Variants in LRRTM4 observed in about 807,000 individuals in gnomAD.
LRRTM4 encodes the protein leucine-rich repeat transmembrane neuronal protein 4.
Under a neutral mutation model 47.6 loss-of-function variants are expected in LRRTM4, and 25 were observed. The ratio of observed to expected loss-of-function variants is 0.53; its 90% CI spans 0.38 to 0.73. LRRTM4 has a LOEUF of 0.73. Among genes scored for constraint, LRRTM4 ranks in the 30% least tolerant of loss-of-function variants. The pLI is 0.00. For synonymous variants in LRRTM4, 311 were observed against 269.5 expected, an observed-to-expected ratio of 1.15 and a Z score of -1.51; for missense variants, 638 against 713.4, an observed-to-expected ratio of 0.89 and a Z score of 1.20.
At chr2:77,446,092 A>G (rs1676039624) in intron 3 of LRRTM4, among the ~76,000 whole-genome samples, 1 of 152,118 alleles carries the variant, frequency 6.6e-6, no homozygotes, top group African/African-American at 2.4e-5. Flanking sequence ...CATTATCATC[A>G]TATAATCTAT....
chr2:77,439,340 T>C (rs1203222526), intron 3 of LRRTM4, among the ~76,000 whole-genome samples: 1 of 152,184 alleles, frequency 6.6e-6, no homozygotes, highest in Non-Finnish European at 1.5e-5. Flanking sequence ...CCTTCTTCTA[T>C]CCTATTTTCA....
chr2:77,166,500 C>T (rs1254925653), intron 3 of LRRTM4, among the ~76,000 whole-genome samples: 1 of 152,140 alleles, frequency 6.6e-6, no homozygotes, highest in Non-Finnish European at 1.5e-5. Context: ...ATTGCCAAGA[C>T]AATACTAAGC....
chr2:76,840,580 C>G (rs1364910655), intron 3 of LRRTM4, among the ~76,000 whole-genome samples: 2 of 151,930 alleles, frequency 1.3e-5, no homozygotes, highest in Non-Finnish European at 2.9e-5. Flanking sequence ...AAGGAACAAA[C>G]GAAGTCAAAA....
chr2:77,276,690 T>C (rs1676367469), intron 3 of LRRTM4, among the ~76,000 whole-genome samples: 1 of 20,094 alleles, frequency 5.0e-5, no homozygotes, highest in Non-Finnish European at 9.9e-5. Flanking sequence ...TGTACGCATA[T>C]ATATATATAT....
intron 3 of LRRTM4, among the ~76,000 whole-genome samples, chr2:76,762,550 G>A (rs944388138): frequency 1.3e-5 from 2 of 152,074 alleles, no homozygotes; most frequent in African/African-American, 4.8e-5. Context: ...GCTTCTATAT[G>A]GAAACTCAAA....
At chr2:77,031,352 C>G (rs10195967) in intron 3 of LRRTM4, among the ~76,000 whole-genome samples, 10,477 of 151,484 alleles carry the variant, frequency 0.069, 833 homozygotes, top group African/African-American at 0.18. Context: ...GGCTTTATGT[C>G]TTTATTTCAT....
intron 3 of LRRTM4, among the ~76,000 whole-genome samples, chr2:76,759,049 T>G (rs2104076067): frequency 6.6e-6 from 1 of 152,288 alleles, no homozygotes; most frequent in East Asian, 1.9e-4. Flanking sequence ...TTTTTGTTTC[T>G]AACCATTAAA....
At chr2:77,496,180 TG>T (rs1678356923) in intron 3 of LRRTM4, among the ~76,000 whole-genome samples, 1 of 151,972 alleles carries the variant, frequency 6.6e-6, no homozygotes, top group Non-Finnish European at 1.5e-5. Context: ...TTGATTTTTG[TG>T]TAATATTCTT....
chr2:77,105,012 C>T (rs917273979), intron 3 of LRRTM4, among the ~76,000 whole-genome samples: 26 of 151,450 alleles, frequency 1.7e-4, no homozygotes, highest in African/African-American at 5.1e-4. Flanking sequence ...ACCCCAATAA[C>T]GTTTGAGAAT....
At chr2:76,786,562 A>G (rs1674684765) in intron 3 of LRRTM4, among the ~76,000 whole-genome samples, 1 of 151,976 alleles carries the variant, frequency 6.6e-6, no homozygotes, top group Non-Finnish European at 1.5e-5. Context: ...ATTTTCTGCT[A>G]CCTTTTACCT....
At chr2:76,970,683 A>T (rs1326066415) in intron 3 of LRRTM4, among the ~76,000 whole-genome samples, 1 of 152,060 alleles carries the variant, frequency 6.6e-6, no homozygotes, top group Admixed American at 6.6e-5. Flanking sequence ...ATGTTCTGCC[A>T]AAAGTTATAA....
intron 3 of LRRTM4, among the ~76,000 whole-genome samples, chr2:77,002,546 T>A (rs1348831): frequency 0.55 from 84,363 of 152,018 alleles, 25,610 homozygotes; most frequent in African/African-American, 0.81. Context: ...CCCTATGTCC[T>A]TATTAGCCTC....
At chr2:77,335,141 T>C (rs1671114839) in intron 3 of LRRTM4, among the ~76,000 whole-genome samples, 1 of 152,212 alleles carries the variant, frequency 6.6e-6, no homozygotes, top group African/African-American at 2.4e-5. Flanking sequence ...TTTTATTTTG[T>C]TATAGAATCT....
At chr2:77,077,048 TTGA>T (rs1680360371) in intron 3 of LRRTM4, among the ~76,000 whole-genome samples, 1 of 152,188 alleles carries the variant, frequency 6.6e-6, no homozygotes, top group African/African-American at 2.4e-5. Flanking sequence ...AGCTTATTTG[TTGA>T]TTAGTACCTA....
intron 3 of LRRTM4, among the ~76,000 whole-genome samples, chr2:76,927,946 C>A (rs1259165727): frequency 6.6e-6 from 1 of 152,086 alleles, no homozygotes; most frequent in African/African-American, 2.4e-5. Context: ...CTTCAGAAGC[C>A]TTGTTCTTAA....
intron 3 of LRRTM4, among the ~76,000 whole-genome samples, chr2:77,286,057 T>C (rs2104113165): frequency 6.6e-6 from 1 of 152,222 alleles, no homozygotes; most frequent in Admixed American, 6.6e-5. Context: ...ATATGGCCAC[T>C]GAAATTATTA....
At chr2:77,081,328 T>C (rs1310415161) in intron 3 of LRRTM4, among the ~76,000 whole-genome samples, 1 of 151,726 alleles carries the variant, frequency 6.6e-6, no homozygotes, top group African/African-American at 2.4e-5. Flanking sequence ...GTTTAACCTT[T>C]AAAAGTACAT....
chr2:77,248,666 C>T (rs1162434014), intron 3 of LRRTM4, among the ~76,000 whole-genome samples: 2 of 152,026 alleles, frequency 1.3e-5, no homozygotes, highest in Non-Finnish European at 2.9e-5. Context: ...TTATAGCAAT[C>T]GTGACAGTAT....
chr2:77,121,228 G>A (rs1194315625), intron 3 of LRRTM4, among the ~76,000 whole-genome samples: 1 of 151,706 alleles, frequency 6.6e-6, no homozygotes, highest in Non-Finnish European at 1.5e-5. Context: ...TTACATGAGA[G>A]TAAATATCTG....
Sources: gnomAD v4.1 joint callset for allele counts (sites outside exome capture counted in the v4.1 genomes callset) on GRCh38, gnomAD v4.1.1 for gene constraint, MANE v1.5 for transcripts, NCBI Gene and HGNC (gene_info 2026-07-23, HGNC 2026-07-21) for gene names.